The following GPLD1 variants were observed in gnomAD, a reference collection of about 807,000 sequenced individuals.
GPLD1 encodes the protein phosphatidylinositol-glycan-specific phospholipase D.
GPLD1 carries 84 observed loss-of-function variants against 112.6 expected under a neutral mutation model. That is an observed-to-expected ratio of 0.75 (90% CI 0.63 to 0.89). The LOEUF (loss-of-function observed/expected upper bound fraction) is 0.89. Among genes scored for constraint, GPLD1 ranks in the 40% least tolerant of loss-of-function variants. The pLI is 0.00. For synonymous variants in GPLD1, 386 were observed against 403.8 expected, an observed-to-expected ratio of 0.96 and a Z score of 0.53; for missense variants, 1,044 against 1,051.5, an observed-to-expected ratio of 0.99 and a Z score of 0.10.
In GPLD1 at chr6:24,473,678, AAG is replaced by A. The variant is rs1407502740; in HGVS notation, c.442-13_442-12del. On this transcript the variant is annotated splice_polypyrimidine_tract_variant and intron_variant, in intron 5 of 24. Transcript: ENST00000230036. ...GCCGTGAAAATCAATCTAAGAAAGA[AAG>A]AGAACCATCTGGTGTGTATTACAAA... The A allele has an allele frequency of 3.4e-5, 54 of 1,594,054 alleles. No homozygotes were observed. The highest frequency in any genetic ancestry group is 4.6e-5 in the Non-Finnish European group (54 of 1,162,702).
In GPLD1 at chr6:24,433,195, T is replaced by C. The variant is rs1270596105; in HGVS notation, c.2428A>G (p.Lys810Glu). ...FGSSLITVRSKAKNQVVIAAG... is the reference protein window; with the variant it reads ...FGSSLITVRSEAKNQVVIAAG... ...TCAGTCCTTGGGCTCACCTTTGCCT[T>C]GGACCTCACGGTGATGAGGGAGCTC... Residue 810 changes from lysine (K) to glutamate (E), a missense_variant, in exon 24 of 25, where the codon AAG (lysine) becomes GAG (glutamate). Transcript: ENST00000230036. 6.2e-7 allele frequency: 1 copy of C among 1,610,528 alleles called. No homozygotes were observed. Among genetic ancestry groups the C allele is most frequent in the South Asian group, 1.1e-5 (1 of 91,028 alleles).
chr6:24,486,495 G>C (rs1384160697), intron 1 of GPLD1, among the ~76,000 whole-genome samples: 13 of 152,162 alleles, frequency 8.5e-5, no homozygotes, highest in Non-Finnish European at 7.4e-5. Flanking sequence ...CAAGCACAGT[G>C]GCTGACACTT....
intron 12 of GPLD1, among the ~76,000 whole-genome samples, chr6:24,458,740 A>C (rs1166048262): frequency 6.6e-6 from 1 of 152,164 alleles, no homozygotes; most frequent in Non-Finnish European, 1.5e-5. Context: ...GTAGCTGGGC[A>C]TGGTGGCGGG....
intron 14 of GPLD1, among the ~76,000 whole-genome samples, chr6:24,451,236 T>C (rs143057621): frequency 3.9e-5 from 6 of 152,298 alleles, no homozygotes; most frequent in African/African-American, 1.2e-4. Flanking sequence ...CTTCAGACTT[T>C]TTTTTTCCAA....
At chr6:24,445,688 G>C in intron 19 of GPLD1, 38 bp downstream of exon 19, 2 of 1,599,142 alleles carry the variant, frequency 1.3e-6, no homozygotes, top group East Asian at 2.2e-5. Context: ...AACTTCCTTG[G>C]AGTGTCCACT....
At chr6:24,437,087 G>A (rs763025790) in intron 21 of GPLD1, 26 bp downstream of exon 21, 2 of 1,606,184 alleles carry the variant, frequency 1.2e-6, no homozygotes, top group Non-Finnish European at 1.7e-6. Flanking sequence ...CTCAATTCTT[G>A]TCAAAGGGTC....
chr6:24,427,905 C>T lies in GPLD1; in HGVS notation c.*1127G>A, dbSNP rs1762288661. On this transcript the variant is annotated 3_prime_UTR_variant, in exon 25 of 25. Coordinates refer to ENST00000230036, the MANE Select transcript of GPLD1 (RefSeq NM_001503.4). Reference sequence around the variant, plus strand: ...TAGCAAACTAACACACGACCAGGAACAGAAAACCAAATACCAAGTATAGCA... The same window carrying T: ...TAGCAAACTAACACACGACCAGGAATAGAAAACCAAATACCAAGTATAGCA... 7.0e-6 allele frequency among the ~76,000 whole-genome samples: 1 copy of T among 142,794 alleles called. No homozygotes were observed. The highest frequency in any genetic ancestry group is 1.5e-5 in the Non-Finnish European group (1 of 65,332). 93.7% of individuals were successfully genotyped at this position (142,794 alleles called of 152,430 possible).
At chr6:24,432,614 A>G (rs1051772384) in intron 24 of GPLD1, among the ~76,000 whole-genome samples, 4 of 152,000 alleles carry the variant, frequency 2.6e-5, no homozygotes, top group Non-Finnish European at 5.9e-5. Flanking sequence ...AATAATAAAG[A>G]AAGAAAAAAC....
At chr6:24,494,553 G>C (rs1465832842), upstream of GPLD1, among the ~76,000 whole-genome samples, 1 of 152,188 alleles carries the variant, frequency 6.6e-6, no homozygotes, top group African/African-American at 2.4e-5. Flanking sequence ...AGGCACCAGC[G>C]CATCTATGGA....
At chr6:24,453,673 A>C (rs1763167104) in intron 14 of GPLD1, among the ~76,000 whole-genome samples, 1 of 145,276 alleles carries the variant, frequency 6.9e-6, no homozygotes. Flanking sequence ...TAAAATACTT[A>C]CAAAGTTTTA....
At chr6:24,460,741 T>C (rs1165650813) in intron 11 of GPLD1, among the ~76,000 whole-genome samples, 6 of 18,378 alleles carry the variant, frequency 3.3e-4, no homozygotes, top group African/African-American at 1.4e-3. Flanking sequence ...GCATACTGAT[T>C]TTTTTTTTTT....
chr6:24,448,474 G>A (rs1418637986), intron 15 of GPLD1, among the ~76,000 whole-genome samples: 1 of 152,012 alleles, frequency 6.6e-6, no homozygotes, highest in African/African-American at 2.4e-5. Flanking sequence ...CCCAATGATT[G>A]GGAGCTTAAT....
Position 24,447,978 on chromosome 6 carries a change from C to T in GPLD1, c.1577G>A (p.Ser526Asn). The change falls in exon 17 of 25, where the codon AGT becomes AAT. Residue 526 changes from serine to asparagine, a missense_variant. Ser to Asn is a conservative substitution (Grantham distance 46). Coordinates refer to ENST00000230036, the MANE Select transcript of GPLD1 (RefSeq NM_001503.4). ...GGAGCCGATGACCAGATCGGGTTCA[C>T]TGTCTCCATTCACATCTGCAGCCAA... ...TLLAADVNGD[S>N]EPDLVIGSPF... 1 of 1,613,854 alleles carries T rather than the reference C, an allele frequency of 6.2e-7. No individual in the cohort carries two copies. Among genetic ancestry groups the T allele is most frequent in the Non-Finnish European group, 8.5e-7 (1 of 1,179,958 alleles).
At chr6:24,467,302 T>C (rs756449561) in intron 7 of GPLD1, 28 bp from the exon 8 acceptor site, 41 of 1,217,512 alleles carry the variant, frequency 3.4e-5, no homozygotes, top group Non-Finnish European at 2.9e-5. Flanking sequence ...AAGTAAGAGT[T>C]GTTTTGATTC....
At chr6:24,495,273 T>C, upstream of GPLD1, 3 of 1,532,682 alleles carry the variant, frequency 2.0e-6, no homozygotes, top group South Asian at 2.4e-5. Flanking sequence ...GGTAGCCGAC[T>C]GCGGGGTGCG....
chr6:24,476,975 T>C (rs1764040089), intron 3 of GPLD1, among the ~76,000 whole-genome samples: 1 of 152,084 alleles, frequency 6.6e-6, no homozygotes, highest in Non-Finnish European at 1.5e-5. Context: ...AATTTTTCTA[T>C]GCCGTTCCTA....
intron 7 of GPLD1, among the ~76,000 whole-genome samples, chr6:24,472,074 A>G (rs1288327885): frequency 1.3e-5 from 2 of 152,258 alleles, no homozygotes; most frequent in Non-Finnish European, 2.9e-5. Flanking sequence ...AAGCCAGAAT[A>G]TATAAATACT....
At position 24,463,300 on chromosome 6, in the gene GPLD1, T is replaced by C. The variant is rs189212626; in HGVS notation, c.822-505A>G. On this transcript the variant is annotated intron_variant, in intron 10 of 24. Coordinates refer to ENST00000230036, the MANE Select transcript of GPLD1 (RefSeq NM_001503.4). ...GATAAACTCTTCCCAATAGAGGCTT[T>C]CCCCCAACACTGAACAGAAGCACTG... Among the ~76,000 whole-genome samples, 123 of 152,242 alleles carry C rather than the reference T, an allele frequency of 8.1e-4. 1 individual carries two copies. In the Middle Eastern group the frequency reaches 0.017, roughly 21 times the overall value.
intron 22 of GPLD1, among the ~76,000 whole-genome samples, chr6:24,434,271 G>A (rs1318080259): frequency 8.6e-5 from 13 of 151,834 alleles, no homozygotes; most frequent in South Asian, 4.2e-4. Flanking sequence ...GGTGGTGTGC[G>A]CCTGTAGTCC....
Sources: allele counts gnomAD v4.1 joint callset (sites outside exome capture counted in the v4.1 genomes callset), GRCh38; gene constraint gnomAD v4.1.1; transcripts MANE v1.5; gene names NCBI Gene and HGNC (gene_info 2026-07-23, HGNC 2026-07-21).